BIRC6: variants seen among roughly 807,000 people sequenced by gnomAD.
BIRC6 encodes baculoviral IAP repeat containing 6, also known as dual E2 ubiquitin-conjugating enzyme/E3 ubiquitin-protein ligase BIRC6.
Under a neutral mutation model 503.3 loss-of-function variants are expected in BIRC6, and 98 were observed. That is an observed-to-expected ratio of 0.19 (90% CI 0.17 to 0.23). The LOEUF (loss-of-function observed/expected upper bound fraction) is 0.23. Among genes scored for constraint, BIRC6 ranks in the 10% least tolerant of loss-of-function variants. The pLI is 1.00. For synonymous variants in BIRC6, 2,240 were observed against 2,078.7 expected, an observed-to-expected ratio of 1.08 and a Z score of -2.11; for missense variants, 5,360 against 5,806.0, an observed-to-expected ratio of 0.92 and a Z score of 2.50.
chr2:32,579,290 C>T (rs946254801), intron 66 of BIRC6, among the ~76,000 whole-genome samples: 6 of 151,920 alleles, frequency 3.9e-5, no homozygotes, highest in African/African-American at 1.5e-4. Context: ...ATCTTGAAAT[C>T]TATCCTGAGG....
intron 37 of BIRC6, among the ~76,000 whole-genome samples, chr2:32,479,849 C>T (rs550732595): frequency 4.6e-5 from 7 of 151,992 alleles, no homozygotes; most frequent in African/African-American, 9.7e-5. Context: ...GATTTGGCAA[C>T]GATGAAGAAA....
At chr2:32,392,258 A>G in intron 5 of BIRC6, 108 bp downstream of exon 5, 2 of 770,502 alleles carry the variant, frequency 2.6e-6, no homozygotes, top group Non-Finnish European at 4.2e-6. Context: ...TGCACCTTGT[A>G]TGCTTGCTTG....
intron 61 of BIRC6, among the ~76,000 whole-genome samples, chr2:32,538,830 G>T (rs2057439284): frequency 3.3e-5 from 5 of 152,188 alleles, no homozygotes; most frequent in Admixed American, 3.3e-4. Flanking sequence ...TACTTGAGAG[G>T]CTGAGGCAGG....
rs78154302 is a variant in BIRC6 at position 32,525,774 on chromosome 2, C to T, written c.11920+146C>T. The stretch of plus-strand genomic sequence containing the variant: ...TGAGACTTCTTCCATACAGTTCCTC[C>T]GAAGAGAAGTGAGAGCAAAGGAGGA... On this transcript the variant is annotated intron_variant, in intron 59 of 73. Coordinates refer to ENST00000421745, the MANE Select transcript of BIRC6 (RefSeq NM_016252.4). The T allele has an allele frequency of 2.9e-3, 2,157 of 735,716 alleles. 37 individuals carry two copies. The African/African-American group carries it at 0.035, about 12-fold the overall frequency. 45.6% of individuals were successfully genotyped at this position (735,716 alleles called of 1,614,324 possible).
intron 65 of BIRC6, among the ~76,000 whole-genome samples, chr2:32,555,472 C>A (rs2058708886): frequency 6.6e-6 from 1 of 151,742 alleles, no homozygotes; most frequent in Non-Finnish European, 1.5e-5. Flanking sequence ...AACCCCGTCT[C>A]TACTAAAAAT....
chr2:32,489,577 C>T (rs1399679502), intron 42 of BIRC6, among the ~76,000 whole-genome samples: 3 of 152,112 alleles, frequency 2.0e-5, no homozygotes, highest in South Asian at 2.1e-4. Flanking sequence ...TTTGAGAGGC[C>T]GAGGTGGGCA....
rs2045504751 is a variant in BIRC6, at chr2:32,442,161, T to C, written c.4041T>C (p.His1347=). Residue 1347 remains histidine, a synonymous_variant, in exon 18 of 74, where the codon CAT becomes CAC. Coordinates refer to ENST00000421745, the MANE Select transcript of BIRC6 (RefSeq NM_016252.4). Reference sequence around the variant, plus strand: ...CAGATGATGGCCAGATCACAGAACATGCCCAGAGCCTTGTGTTGGATACTC... The same window carrying C: ...CAGATGATGGCCAGATCACAGAACACGCCCAGAGCCTTGTGTTGGATACTC... ...RKTDDGQITE[H]AQSLVLDTLC... 3 of 1,611,254 alleles carry C rather than the reference T, an allele frequency of 1.9e-6. No homozygotes were observed. Among genetic ancestry groups the C allele is most frequent in the Admixed American group, 1.7e-5 (1 of 59,352 alleles).
At chr2:32,413,972 A>G (rs1015321974) in intron 9 of BIRC6, among the ~76,000 whole-genome samples, 1 of 152,172 alleles carries the variant, frequency 6.6e-6, no homozygotes, top group Non-Finnish European at 1.5e-5. Flanking sequence ...TGTTTAGTAG[A>G]GATGCAGCCA....
intron 1 of BIRC6, among the ~76,000 whole-genome samples, chr2:32,365,058 A>T (rs2034695492): frequency 6.6e-6 from 1 of 152,182 alleles, no homozygotes; most frequent in South Asian, 2.1e-4. Context: ...GAGTTTTTAT[A>T]AAAACTTAAT....
At chr2:32,566,764 A>G (rs921830898) in intron 65 of BIRC6, among the ~76,000 whole-genome samples, 3 of 152,248 alleles carry the variant, frequency 2.0e-5, no homozygotes, top group African/African-American at 7.2e-5. Context: ...TATTTTCATC[A>G]TAAGTTTTTT....
intron 6 of BIRC6, among the ~76,000 whole-genome samples, chr2:32,397,502 G>A (rs928301187): frequency 6.6e-6 from 1 of 151,690 alleles, no homozygotes; most frequent in Admixed American, 6.6e-5. Flanking sequence ...GTGGATAAGA[G>A]GGGGACCTGT....
chr2:32,529,384 A>G, intron 59 of BIRC6: 2 of 312,328 alleles, frequency 6.4e-6, no homozygotes, highest in African/African-American at 2.2e-5. Flanking sequence ...AAAATGTCCC[A>G]CATCAGATTT....
Position 32,468,147 on chromosome 2 carries a change from CT to C in BIRC6, c.5780+39del, listed in dbSNP as rs919819511. Reference sequence around the variant, plus strand: ...AGTGCAAATTTTAATGTTATTGAAACTTTGTATTTTATATAATGTCTTGCTT... The same window carrying C: ...AGTGCAAATTTTAATGTTATTGAAACTTGTATTTTATATAATGTCTTGCTT... On this transcript the variant is annotated intron_variant, in intron 28 of 73. Coordinates refer to ENST00000421745, the MANE Select transcript of BIRC6 (RefSeq NM_016252.4). 3.2e-6 allele frequency: 5 copies of C among 1,573,700 alleles called. No individual in the cohort carries two copies. The Admixed American group carries it at 6.9e-5, about 22-fold the overall frequency.
In BIRC6 at chr2:32,503,087, C is replaced by T; in HGVS notation, c.9350C>T (p.Ala3117Val). The change falls in exon 49 of 74, where the codon GCT becomes GTT. Residue 3117 changes from alanine to valine, a missense_variant. Coordinates refer to ENST00000421745, the MANE Select transcript of BIRC6 (RefSeq NM_016252.4). The part of the protein sequence containing the change: ...ICNNMVTSTR[A>V]IVNTARSMVS... ...AATAATATGGTTACTAGTACAAGGGCTATTGTGAACACTGCAAGAAGTATG... is the reference window on the plus strand; with the variant it reads ...AATAATATGGTTACTAGTACAAGGGTTATTGTGAACACTGCAAGAAGTATG... 6.2e-7 allele frequency: 1 copy of T among 1,609,776 alleles called. No individual in the cohort carries two copies.
At chr2:32,461,356 G>A (rs2047973349) in intron 23 of BIRC6, among the ~76,000 whole-genome samples, 1 of 148,620 alleles carries the variant, frequency 6.7e-6, no homozygotes, top group Admixed American at 6.7e-5. Flanking sequence ...GTGTGTGTGT[G>A]TGTGTGTGTG....
chr2:32,576,412 T>G (rs1036052946), intron 66 of BIRC6, among the ~76,000 whole-genome samples: 1 of 152,220 alleles, frequency 6.6e-6, no homozygotes, highest in African/African-American at 2.4e-5. Flanking sequence ...CAGTGACCTT[T>G]TCCTTTCTCA....
At chr2:32,426,854 T>G (rs1402368593) in intron 10 of BIRC6, among the ~76,000 whole-genome samples, 1 of 152,176 alleles carries the variant, frequency 6.6e-6, no homozygotes, top group Non-Finnish European at 1.5e-5. Context: ...CAGTCTTTGT[T>G]TTTCTGGAAA....
At chr2:32,404,933 A>G (rs765547831) in intron 8 of BIRC6, among the ~76,000 whole-genome samples, 6 of 152,134 alleles carry the variant, frequency 3.9e-5, no homozygotes, top group Non-Finnish European at 5.9e-5. Context: ...AAGTGCTGGG[A>G]TTACAGGTGT....
Position 32,465,061 on chromosome 2 carries a change from C to G in BIRC6, c.5257-4C>G. 2 of 1,559,256 alleles carry G rather than the reference C, an allele frequency of 1.3e-6. No individual in the cohort carries two copies. The highest frequency in any genetic ancestry group is 8.7e-7 in the Non-Finnish European group (1 of 1,147,212). On this transcript the variant is annotated splice_region_variant and splice_polypyrimidine_tract_variant and intron_variant, in intron 25 of 73. Coordinates refer to ENST00000421745, the MANE Select transcript of BIRC6 (RefSeq NM_016252.4). ...GTTAGATTTTTTTTTTTTCCCTGCT[C>G]TAGAATCCACTTGGTTCTGGTCTAG...
Sources: gnomAD v4.1 joint callset for allele counts (sites outside exome capture counted in the v4.1 genomes callset) on GRCh38, gnomAD v4.1.1 for gene constraint, MANE v1.5 for transcripts, NCBI Gene and HGNC (gene_info 2026-07-23, HGNC 2026-07-21) for gene names.